The following CAGE1 variants were observed in gnomAD, a reference collection of about 807,000 sequenced individuals.
CAGE1 encodes the protein cancer-associated gene 1 protein.
In CAGE1, 66 loss-of-function variants were observed where a neutral mutation model predicts 94.9. The ratio of observed to expected loss-of-function variants is 0.70; its 90% CI spans 0.57 to 0.85. The LOEUF (loss-of-function observed/expected upper bound fraction) is 0.85, where lower values mean the gene tolerates loss of function less well. Among genes scored for constraint, CAGE1 ranks in the 40% least tolerant of loss-of-function variants. CAGE1 has a pLI of 0.00. For missense variants in CAGE1, 865 were observed against 950.4 expected (o/e 0.91, Z 1.18); for synonymous variants, 319 against 321.0 (o/e 0.99, Z 0.07).
chr6:7,354,177 A>G (rs540950750), intron 11 of CAGE1, among the ~76,000 whole-genome samples: 329 of 152,306 alleles, frequency 2.2e-3, no homozygotes, highest in African/African-American at 7.6e-3. Flanking sequence ...ATTTTTAAAT[A>G]TTAGTTTTTT....
rs537885789 is a variant in CAGE1 at position 7,333,915 on chromosome 6, ACCTTGGCCT to A, written c.2438+98_2438+106del. Reference sequence around the variant, plus strand: ...ACTCCTGACCTCAGGTGATCCACCCACCTTGGCCTCCCAAAGTGCTGGGATTACAGGCGT... The same window carrying A: ...ACTCCTGACCTCAGGTGATCCACCCACCCAAAGTGCTGGGATTACAGGCGT... On this transcript the variant is annotated intron_variant, in intron 12 of 13. Transcript: ENST00000502583. 8.7e-5 allele frequency: 56 copies of A among 644,868 alleles called. 1 individual carries two copies. The highest frequency in any genetic ancestry group is 1.7e-4 in the Admixed American group (6 of 35,756). 39.9% of individuals were successfully genotyped at this position (644,868 alleles called of 1,614,324 possible).
At position 7,339,226 on chromosome 6, in the gene CAGE1, C is replaced by G; in HGVS notation, c.2370-5136G>C. The G allele has an allele frequency of 6.3e-7, 1 of 1,575,820 alleles. No homozygotes were observed. Among genetic ancestry groups the G allele is most frequent in the Non-Finnish European group, 8.7e-7 (1 of 1,146,646 alleles). ...GACACACCATAGCAGGCCCTCCGCA[C>G]AGCAAGCCCTCCTAGGAGTTTGTAA... On this transcript the variant is annotated intron_variant, in intron 11 of 13. Transcript: ENST00000502583. The surrounding 1 kb of genome is among the most constrained non-coding windows in gnomAD (Gnocchi z 4.7).
intron 6 of CAGE1, among the ~76,000 whole-genome samples, chr6:7,369,710 G>A (rs796130322): frequency 6.6e-6 from 1 of 152,250 alleles, no homozygotes; most frequent in African/African-American, 2.4e-5. Flanking sequence ...CTATCTCTAC[G>A]CTTGTGAGCA....
chr6:7,373,926 G>A lies in CAGE1; in HGVS notation c.893C>T (p.Pro298Leu). ...ATTTAAAGCCATGTCCTCTTGAACA[G>A]GTTGTAAGCTTTCAGCACTTTGCTC... is the stretch of plus-strand genomic sequence containing the variant. ...DWEQSAESLQ[P>L]VQEDMALNEV... The change falls in exon 5 of 14, where the codon CCT becomes CTT. Residue 298 changes from proline (P) to leucine (L), a missense_variant. By Grantham distance (98) the Pro-to-Leu change is moderately conservative. Coordinates refer to ENST00000502583, the MANE Select transcript of CAGE1 (RefSeq NM_001170692.2). 1.2e-6 allele frequency: 2 copies of A among 1,613,982 alleles called. No individual in the cohort carries two copies. Among genetic ancestry groups the A allele is most frequent in the Non-Finnish European group, 1.7e-6 (2 of 1,179,886 alleles).
chr6:7,349,851 G>C lies in CAGE1; in HGVS notation c.2369+5190C>G, dbSNP rs191662381. On this transcript the variant is annotated intron_variant, in intron 11 of 13. Transcript: ENST00000502583. ...GGAGGCTGAGGCAGGAGAATCGCTT[G>C]AGCCCAGGGGCCAAGGTTGCCGTGA... Among the ~76,000 whole-genome samples, 4 of 151,082 alleles carry C rather than the reference G, an allele frequency of 2.6e-5. No homozygotes were observed. The East Asian group carries it at 5.9e-4, about 22-fold the overall frequency.
intron 11 of CAGE1, among the ~76,000 whole-genome samples, chr6:7,349,369 T>C (rs952277487): frequency 6.6e-6 from 1 of 151,998 alleles, no homozygotes; most frequent in African/African-American, 2.4e-5. Context: ...CTGAGAGAAT[T>C]CCCCACTACC....
intron 12 of CAGE1, among the ~76,000 whole-genome samples, chr6:7,330,659 G>A (rs985692090): frequency 7.9e-5 from 12 of 152,130 alleles, no homozygotes; most frequent in African/African-American, 2.9e-4. Flanking sequence ...GCTTGTTTGA[G>A]TGCCGAATAT....
intron 11 of CAGE1, among the ~76,000 whole-genome samples, chr6:7,337,258 C>T (rs532651806): frequency 1.3e-4 from 17 of 135,802 alleles, no homozygotes; most frequent in African/African-American, 3.1e-4. Context: ...ACCTGGGAGG[C>T]GGAGGTTGCA....
chr6:7,334,797 T>G (rs2113350071), intron 11 of CAGE1, among the ~76,000 whole-genome samples: 1 of 151,196 alleles, frequency 6.6e-6, no homozygotes, highest in African/African-American at 2.4e-5. Context: ...AGAAACAGCT[T>G]AACATGGGAA....
intron 2 of CAGE1, among the ~76,000 whole-genome samples, chr6:7,386,438 T>C (rs544294270): frequency 6.6e-6 from 1 of 152,320 alleles, no homozygotes; most frequent in East Asian, 1.9e-4. Flanking sequence ...CAGGGTGCTG[T>C]CAATGTCATT....
At chr6:7,344,894 T>A (rs1292980311) in intron 11 of CAGE1, among the ~76,000 whole-genome samples, 1 of 152,154 alleles carries the variant, frequency 6.6e-6, no homozygotes, top group Non-Finnish European at 1.5e-5. Flanking sequence ...ATCTAGCTAA[T>A]CTGGTGGGGA....
intron 11 of CAGE1, among the ~76,000 whole-genome samples, chr6:7,343,198 A>AAAAAAAAAAAAAGAAAAG (rs574460085): frequency 1.5e-5 from 2 of 137,320 alleles, no homozygotes. Flanking sequence ...CACAAAAAAA[A>AAAAAAAAAAAAAGAAAAG]AAAAGAAAAG....
chr6:7,385,694 G>A (rs1761097250), intron 3 of CAGE1, 91 bp downstream of exon 3: 1 of 646,294 alleles, frequency 1.5e-6, no homozygotes, highest in Non-Finnish European at 2.6e-6. Context: ...TGTATATAAA[G>A]TGCTTAGCAC....
In CAGE1 at chr6:7,373,925, A is replaced by G. The variant is rs1760643136; in HGVS notation, c.894T>C (p.Pro298=). Reference sequence around the variant, plus strand: ...CATTTAAAGCCATGTCCTCTTGAACAGGTTGTAAGCTTTCAGCACTTTGCT... The same window carrying G: ...CATTTAAAGCCATGTCCTCTTGAACGGGTTGTAAGCTTTCAGCACTTTGCT... The part of the protein sequence containing the change: ...DWEQSAESLQ[P]VQEDMALNEV... Residue 298 remains proline (P), a synonymous_variant, in exon 5 of 14, where the codon CCT becomes CCC. Transcript: ENST00000502583. 1 of 1,613,848 alleles carries G rather than the reference A, an allele frequency of 6.2e-7. No homozygotes were observed. The highest frequency in any genetic ancestry group is 1.3e-5 in the African/African-American group (1 of 74,912).
chr6:7,345,134 GCTTTTA>G (rs1759396205), intron 11 of CAGE1, among the ~76,000 whole-genome samples: 5 of 41,874 alleles, frequency 1.2e-4, no homozygotes, highest in African/African-American at 8.7e-4. Flanking sequence ...GATCCATATT[GCTTTTA>G]GGAGCTAGGT....
intron 11 of CAGE1, among the ~76,000 whole-genome samples, chr6:7,337,198 G>C (rs1758984705): frequency 6.6e-6 from 1 of 152,002 alleles, no homozygotes; most frequent in Non-Finnish European, 1.5e-5. Context: ...GTGGTGGCGT[G>C]CACCTGTAGT....
At chr6:7,365,980 T>C (rs1760318932) in intron 7 of CAGE1, 96 bp from the exon 8 acceptor site, 1 of 730,590 alleles carries the variant, frequency 1.4e-6, no homozygotes, top group Non-Finnish European at 2.2e-6. Flanking sequence ...GCGTAGTGGC[T>C]CATGCCTATA....
chr6:7,379,064 G>C, intron 3 of CAGE1, 44 bp from the exon 4 acceptor site: 1 of 1,199,382 alleles, frequency 8.3e-7, no homozygotes, highest in Non-Finnish European at 1.1e-6. Context: ...AGTAGACCAT[G>C]AACTTGGATG....
Position 7,389,443 on chromosome 6 carries a change from G to A in CAGE1, c.-265C>T, listed in dbSNP as rs1761258742. 4.8e-6 allele frequency: 2 copies of A among 413,772 alleles called. No homozygotes were observed. Among genetic ancestry groups the A allele is most frequent in the African/African-American group, 2.1e-5 (1 of 48,440 alleles). The allele number at this position is 413,772 out of a possible 1,614,324, so 25.6% of individuals were successfully genotyped here. On this transcript the variant is annotated 5_prime_UTR_variant, in exon 1 of 14. The change creates a new upstream start codon in the 5' untranslated region. Transcript: ENST00000502583. ...GAGTGCTGGAACGCCCCTGTGTGAC[G>A]TCCGCCCGCGCCGGGGGAACTCCGC...
Sources: allele counts gnomAD v4.1 joint callset (sites outside exome capture counted in the v4.1 genomes callset), GRCh38; gene constraint gnomAD v4.1.1; non-coding constraint Gnocchi (gnomAD v3.1); transcripts MANE v1.5; gene names NCBI Gene and HGNC (gene_info 2026-07-23, HGNC 2026-07-21).